FHL5: variants seen among roughly 807,000 people sequenced by gnomAD.
FHL5 encodes the protein four and a half LIM domains 5, also known as four and a half LIM domains protein 5.
Under a neutral mutation model 32.0 loss-of-function variants are expected in FHL5, and 33 were observed. The ratio of observed to expected loss-of-function variants is 1.03; its 90% CI spans 0.78 to 1.38. The LOEUF is 1.38. Ranked by LOEUF, FHL5 falls within the 40% of genes most tolerant of loss-of-function variation. The pLI, the probability that FHL5 is intolerant of heterozygous loss-of-function variation, is 0.00. For missense variants in FHL5, 336 were observed against 343.9 expected (o/e 0.98, Z 0.18); for synonymous variants, 114 against 113.6 (o/e 1.00, Z -0.02).
chr6:96,601,502 G>C (rs761839910), intron 1 of FHL5, among the ~76,000 whole-genome samples: 1 of 152,118 alleles, frequency 6.6e-6, no homozygotes, highest in African/African-American at 2.4e-5. Context: ...TTTTGATGTT[G>C]TCATGTTTAA....
intron 1 of FHL5, among the ~76,000 whole-genome samples, chr6:96,584,547 T>A (rs1770760595): frequency 6.6e-6 from 1 of 151,750 alleles, no homozygotes; most frequent in South Asian, 2.1e-4. Flanking sequence ...AATGAGAAGA[T>A]AATCAAAGAT....
At chr6:96,577,371 C>G (rs1770605189) in intron 1 of FHL5, among the ~76,000 whole-genome samples, 1 of 151,874 alleles carries the variant, frequency 6.6e-6, no homozygotes, top group Non-Finnish European at 1.5e-5. Flanking sequence ...TCAAACACCC[C>G]CCCAACACAC....
At chr6:96,593,913 T>C (rs1318936068) in intron 1 of FHL5, among the ~76,000 whole-genome samples, 1 of 152,078 alleles carries the variant, frequency 6.6e-6, no homozygotes, top group African/African-American at 2.4e-5. Context: ...AGTACCATTA[T>C]TGGACTGGAA....
intron 1 of FHL5, among the ~76,000 whole-genome samples, chr6:96,581,153 A>G (rs1488812521): frequency 6.6e-6 from 1 of 152,170 alleles, no homozygotes; most frequent in African/African-American, 2.4e-5. Context: ...TCCTGGATCC[A>G]GGGTTATTAA....
chr6:96,565,242 G>A (rs758316017), intron 1 of FHL5, among the ~76,000 whole-genome samples: 10 of 152,170 alleles, frequency 6.6e-5, no homozygotes, highest in Middle Eastern at 3.4e-3. Context: ...ACTAGGATAT[G>A]TCAACAGCAA....
intron 1 of FHL5, among the ~76,000 whole-genome samples, chr6:96,581,369 A>G (rs1043911782): frequency 6.6e-6 from 1 of 152,210 alleles, no homozygotes; most frequent in Non-Finnish European, 1.5e-5. Flanking sequence ...AAACACATGA[A>G]TGGAAAATGA....
intron 1 of FHL5, among the ~76,000 whole-genome samples, chr6:96,566,986 G>A (rs1346972009): frequency 6.6e-6 from 1 of 151,812 alleles, no homozygotes; most frequent in Non-Finnish European, 1.5e-5. Context: ...AAGCTTTTTA[G>A]TTTGACATAA....
intron 1 of FHL5, among the ~76,000 whole-genome samples, chr6:96,588,414 T>C (rs554578282): frequency 2.8e-4 from 42 of 152,300 alleles, no homozygotes; most frequent in African/African-American, 9.6e-4. Flanking sequence ...TTCACCATGT[T>C]GGTCAGGCTG....
chr6:96,610,802 G>T, intron 5 of FHL5, 44 bp downstream of exon 5: 2 of 1,375,570 alleles, frequency 1.5e-6, no homozygotes, highest in African/African-American at 2.9e-5. Flanking sequence ...AGACAGTTAT[G>T]ACTTTATGAA....
chr6:96,594,630 T>G (rs1770997801), intron 1 of FHL5, among the ~76,000 whole-genome samples: 2 of 152,038 alleles, frequency 1.3e-5, no homozygotes, highest in Non-Finnish European at 2.9e-5. Context: ...TGGAATATTT[T>G]GGTTTTCAAC....
chr6:96,618,229 A>G lies in FHL5; in HGVS notation c.*2457A>G, dbSNP rs1232002034. On this transcript the variant is annotated 3_prime_UTR_variant, in exon 6 of 6. Coordinates refer to ENST00000450218, the MANE Select transcript of FHL5 (RefSeq NM_001322466.2). ...GAAAAACTCCTTAATGGACTTATCC[A>G]AAGATGAAATGGACTGACTCAGGAA... Among the ~76,000 whole-genome samples, 1 of 152,240 alleles carries G rather than the reference A, an allele frequency of 6.6e-6. No homozygotes were observed. The highest frequency in any genetic ancestry group is 2.4e-5 in the African/African-American group (1 of 41,464).
intron 1 of FHL5, among the ~76,000 whole-genome samples, chr6:96,578,912 G>T (rs952570506): frequency 3.3e-5 from 5 of 152,066 alleles, no homozygotes; most frequent in Non-Finnish European, 5.9e-5. Flanking sequence ...TTTCTACTAA[G>T]TATTTGCGAA....
chr6:96,611,753 G>A (rs1364492540), intron 5 of FHL5, among the ~76,000 whole-genome samples: 1 of 152,088 alleles, frequency 6.6e-6, no homozygotes, highest in Non-Finnish European at 1.5e-5. Context: ...AAGTTTCACA[G>A]CAAACCCCAC....
At chr6:96,567,127 T>C (rs939256943) in intron 1 of FHL5, among the ~76,000 whole-genome samples, 5 of 151,964 alleles carry the variant, frequency 3.3e-5, no homozygotes, top group African/African-American at 1.2e-4. Flanking sequence ...TCAGGTCTTA[T>C]ATTTAAGTTT....
intron 1 of FHL5, among the ~76,000 whole-genome samples, chr6:96,566,761 AT>A (rs923732413): frequency 5.9e-5 from 9 of 151,826 alleles, no homozygotes; most frequent in African/African-American, 1.9e-4. Flanking sequence ...GACATTGACC[AT>A]TTTTTGTACC....
At chr6:96,564,864 T>A (rs1770318620) in intron 1 of FHL5, among the ~76,000 whole-genome samples, 1 of 152,088 alleles carries the variant, frequency 6.6e-6, no homozygotes, top group Admixed American at 6.5e-5. Flanking sequence ...TTTGGTACCC[T>A]GAAAGCTCAT....
At chr6:96,599,861 G>A in intron 1 of FHL5, among the ~76,000 whole-genome samples, 1 of 152,280 alleles carries the variant, frequency 6.6e-6, no homozygotes, top group South Asian at 2.1e-4. Context: ...TCATAAATAA[G>A]AACAGCTTTG....
intron 1 of FHL5, among the ~76,000 whole-genome samples, chr6:96,575,190 C>T (rs1399252146): frequency 1.3e-5 from 2 of 152,136 alleles, no homozygotes; most frequent in Non-Finnish European, 2.9e-5. Flanking sequence ...CCTCTCCTCT[C>T]CCCGTCTCTC....
Position 96,602,426 on chromosome 6 carries a change from C to CTTTTTTTTTTT in FHL5, c.-12-1148_-12-1138dup, listed in dbSNP as rs1168636713. ...ACCTGGAAATCTATATGCGTTGTTT[C>CTTTTTTTTTTT]TTTTTTTTTTTTTTTTTTTTTTTTT... is the stretch of plus-strand genomic sequence containing the variant. On this transcript the variant is annotated intron_variant, in intron 1 of 5. Coordinates refer to ENST00000450218, the MANE Select transcript of FHL5 (RefSeq NM_001322466.2). Among the ~76,000 whole-genome samples the CTTTTTTTTTTT allele has an allele frequency of 1.4e-3, 46 of 33,698 alleles. 17 individuals carry two copies. Among genetic ancestry groups the CTTTTTTTTTTT allele is most frequent in the Non-Finnish European group, 1.7e-3 (26 of 15,324 alleles). The allele number at this position is 33,698 out of a possible 152,430, so 22.1% of individuals were successfully genotyped here. A position where few individuals can be genotyped will look rare whatever the true frequency, so the allele number is the denominator to read the frequency against.
Sources: allele counts gnomAD v4.1 joint callset (sites outside exome capture counted in the v4.1 genomes callset), GRCh38; gene constraint gnomAD v4.1.1; transcripts MANE v1.5; gene names NCBI Gene and HGNC (gene_info 2026-07-23, HGNC 2026-07-21).